SPAG16: variants seen among roughly 807,000 people sequenced by gnomAD.
SPAG16 encodes the protein sperm-associated antigen 16 protein.
In SPAG16, 86 loss-of-function variants were observed where a neutral mutation model predicts 80.4. The observed-to-expected ratio is 1.07, with a 90% CI of 0.90 to 1.28. SPAG16 has a LOEUF of 1.28. Ranked by LOEUF, SPAG16 falls within the 50% of genes most tolerant of loss-of-function variation. The pLI is 0.00. For missense variants in SPAG16, 870 were observed against 765.3 expected, an observed-to-expected ratio of 1.14 and a Z score of -1.61; for synonymous variants, 294 against 265.9, an observed-to-expected ratio of 1.11 and a Z score of -1.03.
At chr2:213,694,465 T>C (rs1204871041) in intron 10 of SPAG16, among the ~76,000 whole-genome samples, 1 of 152,244 alleles carries the variant, frequency 6.6e-6, no homozygotes, top group Non-Finnish European at 1.5e-5. Flanking sequence ...TCAAGTTCCA[T>C]ATGCGTTGCT....
chr2:213,737,690 G>C (rs995161879), intron 10 of SPAG16, among the ~76,000 whole-genome samples: 1 of 151,806 alleles, frequency 6.6e-6, no homozygotes, highest in Admixed American at 6.6e-5. Flanking sequence ...GGGTTTCATC[G>C]TGTTAGCCAG....
intron 3 of SPAG16, among the ~76,000 whole-genome samples, chr2:213,297,703 T>C (rs1201871044): frequency 2.0e-5 from 3 of 152,136 alleles, no homozygotes; most frequent in African/African-American, 7.2e-5. Context: ...TTTGTAAACA[T>C]TTTGTGTTTT....
intron 9 of SPAG16, among the ~76,000 whole-genome samples, chr2:213,466,690 C>T (rs1050765931): frequency 1.3e-5 from 2 of 152,188 alleles, no homozygotes; most frequent in African/African-American, 4.8e-5. Flanking sequence ...CTCTGTTACC[C>T]TGAAAGTTAA....
chr2:213,932,179 TATATATATATATATATATATTTG>T (rs1296799811), intron 12 of SPAG16, among the ~76,000 whole-genome samples: 4 of 26,006 alleles, frequency 1.5e-4, no homozygotes, highest in Admixed American at 5.2e-4. Context: ...TATATATATA[TATATATATATATATATATATTTG>T]TTGTTGTTGT....
chr2:213,363,960 TAA>T (rs544032310), intron 7 of SPAG16, 114 bp from the exon 8 acceptor site: 8 of 367,844 alleles, frequency 2.2e-5, no homozygotes, highest in African/African-American at 1.1e-4. Context: ...GGTATAAATT[TAA>T]AAGAGATTAA....
chr2:213,894,928 G>A (rs916281876), intron 11 of SPAG16, among the ~76,000 whole-genome samples: 3 of 133,598 alleles, frequency 2.2e-5, no homozygotes, highest in Admixed American at 9.0e-5. Flanking sequence ...GGCAGAAGTT[G>A]CAGTGAGCTG....
intron 15 of SPAG16, among the ~76,000 whole-genome samples, chr2:214,184,281 A>G (rs937546472): frequency 6.6e-6 from 1 of 151,920 alleles, no homozygotes; most frequent in Admixed American, 6.6e-5. Context: ...GGATATTAAA[A>G]CTCACCAAGG....
intron 12 of SPAG16, among the ~76,000 whole-genome samples, chr2:213,949,176 T>TG (rs1163498174): frequency 1.1e-4 from 2 of 17,960 alleles, no homozygotes; most frequent in Non-Finnish European, 1.7e-4. Context: ...ACAGTTTTTT[T>TG]TTTTTTTTTT....
In SPAG16 at chr2:213,364,145, G is replaced by A. The variant is rs1436725249; in HGVS notation, c.832G>A (p.Val278Ile). The A allele has an allele frequency of 6.7e-7, 1 of 1,499,868 alleles. No homozygotes were observed. The highest frequency in any genetic ancestry group is 8.9e-7 in the Non-Finnish European group (1 of 1,122,220). The allele number at this position is 1,499,868 out of a possible 1,614,324, so 92.9% of individuals were successfully genotyped here. Reference sequence around the variant, plus strand: ...TAGTTACCATGGTCCTCAAATTAAAGGTAAATGTAAAATGTGATGAAGCTC... The same window carrying A: ...TAGTTACCATGGTCCTCAAATTAAAAGTAAATGTAAAATGTGATGAAGCTC... Reference protein sequence around the residue: ...GHSYHGPQIKVDHSREKENAP... With the variant: ...GHSYHGPQIKIDHSREKENAP... The change falls in exon 8 of 16, where the codon GTT becomes ATT. Residue 278 changes from valine (V) to isoleucine (I), a missense_variant and splice_region_variant. Transcript: ENST00000331683.
intron 13 of SPAG16, among the ~76,000 whole-genome samples, chr2:214,031,293 A>C (rs1185923176): frequency 6.6e-6 from 1 of 151,474 alleles, no homozygotes; most frequent in Non-Finnish European, 1.5e-5. Flanking sequence ...TTGTAGGGAC[A>C]TGGATGAAAT....
At chr2:214,342,137 T>C (rs1250130321) in intron 15 of SPAG16, among the ~76,000 whole-genome samples, 2 of 152,166 alleles carry the variant, frequency 1.3e-5, no homozygotes, top group Non-Finnish European at 2.9e-5. Context: ...TTTTAAGTAA[T>C]TGGTTATATG....
intron 15 of SPAG16, among the ~76,000 whole-genome samples, chr2:214,187,534 T>C (rs757923445): frequency 7.2e-5 from 11 of 152,148 alleles, no homozygotes; most frequent in Non-Finnish European, 1.3e-4. Context: ...TTATTAGCAA[T>C]TAAACTAACA....
At chr2:214,169,595 G>A (rs543901388) in intron 15 of SPAG16, among the ~76,000 whole-genome samples, 16 of 152,052 alleles carry the variant, frequency 1.1e-4, no homozygotes, top group African/African-American at 3.1e-4. Context: ...AGTGTAAGAC[G>A]AACGGCTGTT....
At chr2:214,275,359 T>G (rs556098253) in intron 15 of SPAG16, among the ~76,000 whole-genome samples, 4 of 152,190 alleles carry the variant, frequency 2.6e-5, no homozygotes, top group Non-Finnish European at 5.9e-5. Context: ...TGTTTGGCCT[T>G]GCTTCTCTAG....
intron 5 of SPAG16, among the ~76,000 whole-genome samples, chr2:213,333,094 A>T (rs936127484): frequency 1.3e-5 from 2 of 152,152 alleles, no homozygotes; most frequent in African/African-American, 4.8e-5. Context: ...AGATGATATG[A>T]TCTTATATTT....
At chr2:213,693,940 G>C (rs924086903) in intron 10 of SPAG16, among the ~76,000 whole-genome samples, 2 of 151,910 alleles carry the variant, frequency 1.3e-5, no homozygotes, top group Non-Finnish European at 2.9e-5. Flanking sequence ...AGGGATGCCA[G>C]GTATTTTGTT....
intron 8 of SPAG16, among the ~76,000 whole-genome samples, chr2:213,372,331 A>G (rs1009024759): frequency 8.5e-5 from 13 of 152,144 alleles, no homozygotes; most frequent in Non-Finnish European, 5.9e-5. Context: ...GACCTTCTAG[A>G]AATTGTAAAT....
chr2:213,824,935 G>A (rs553828047), intron 10 of SPAG16, among the ~76,000 whole-genome samples: 22 of 151,044 alleles, frequency 1.5e-4, no homozygotes, highest in Non-Finnish European at 2.7e-4. Flanking sequence ...CATTGTATAT[G>A]TTTCACTTCT....
intron 12 of SPAG16, among the ~76,000 whole-genome samples, chr2:213,980,696 A>G (rs531111370): frequency 1.2e-3 from 123 of 101,822 alleles, no homozygotes; most frequent in African/African-American, 5.6e-3. Flanking sequence ...TATAGAATAT[A>G]TGTGTGTGTG....
Sources: allele counts gnomAD v4.1 joint callset (sites outside exome capture counted in the v4.1 genomes callset), GRCh38; gene constraint gnomAD v4.1.1; transcripts MANE v1.5; gene names NCBI Gene and HGNC (gene_info 2026-07-23, HGNC 2026-07-21).